Variants in NDUFB5 observed in about 807,000 individuals in gnomAD.
NDUFB5 encodes NADH:ubiquinone oxidoreductase subunit B5, also known as NADH dehydrogenase [ubiquinone] 1 beta subcomplex subunit 5, mitochondrial.
Under a neutral mutation model 19.4 loss-of-function variants are expected in NDUFB5, and 19 were observed. The ratio of observed to expected loss-of-function variants is 0.98; its 90% confidence interval spans 0.68 to 1.43. The LOEUF is 1.43. Among genes scored for constraint, NDUFB5 ranks in the 40% most tolerant of loss-of-function variants. The probability of loss-of-function intolerance (pLI) is 0.00; values close to 1 mark genes in which losing one functional copy is unlikely to be tolerated. For synonymous variants in NDUFB5, 80 were observed against 82.6 expected (o/e 0.97, Z 0.17); for missense variants, 233 against 236.5 (o/e 0.99, Z 0.10).
intron 1 of NDUFB5, among the ~76,000 whole-genome samples, chr3:179,613,872 G>A (rs890773108): frequency 2.0e-5 from 3 of 152,174 alleles, no homozygotes; most frequent in Non-Finnish European, 2.9e-5. Context: ...CAGTAGGAAA[G>A]ATCTCGTGTG....
rs1719696581 is a variant in NDUFB5, at chr3:179,627,335, T to A, written c.*3295T>A. ...CTGTTTTTCTGGTGGCTAGTGAGTGTTAGCTCTCCTCCCTTCCCAGGCATT... is the reference window on the plus strand; with the variant it reads ...CTGTTTTTCTGGTGGCTAGTGAGTGATAGCTCTCCTCCCTTCCCAGGCATT... On this transcript the variant is annotated 3_prime_UTR_variant, in exon 6 of 6. Transcript: ENST00000259037. 1 of 152,242 alleles carries A rather than the reference T, an allele frequency of 6.6e-6. No individual in the cohort carries two copies. Among genetic ancestry groups the A allele is most frequent in the African/African-American group, 2.4e-5 (1 of 41,464 alleles). The allele number at this position is 152,242 out of a possible 1,614,324, so 9.4% of individuals were successfully genotyped here. A position where few individuals can be genotyped will look rare whatever the true frequency, so the allele number is the denominator to read the frequency against.
intron 5 of NDUFB5, among the ~76,000 whole-genome samples, chr3:179,621,215 T>C (rs1346867566): frequency 6.6e-6 from 1 of 152,084 alleles, no homozygotes; most frequent in African/African-American, 2.4e-5. Context: ...GTAGCCAAGA[T>C]TACAGGTGCA....
At chr3:179,605,611 A>C (rs2108389986) in intron 1 of NDUFB5, among the ~76,000 whole-genome samples, 1 of 151,112 alleles carries the variant, frequency 6.6e-6, no homozygotes, top group African/African-American at 2.4e-5. Context: ...GGGTCTACGA[A>C]AGTCTTTTAA....
chr3:179,622,638 T>C (rs1357890987), intron 5 of NDUFB5, among the ~76,000 whole-genome samples: 2 of 152,200 alleles, frequency 1.3e-5, no homozygotes, highest in African/African-American at 2.4e-5. Flanking sequence ...TGTTGATAAA[T>C]ATTTTAATTA....
chr3:179,615,038 C>T lies in NDUFB5; in HGVS notation c.192C>T (p.Asp64=). The change falls in exon 2 of 6, where the codon GAC becomes GAT. Residue 64 remains aspartate, a synonymous_variant. Transcript: ENST00000259037. ...LFVIRPSRFY[D]RRFLKLLRFY... ...TCATCAGACCTTCTAGATTCTATGA[C>T]AGGCGTTTTTTGAAGTTATTGGTAA... 1 of 1,606,584 alleles carries T rather than the reference C, an allele frequency of 6.2e-7. No individual in the cohort carries two copies. The highest frequency in any genetic ancestry group is 1.3e-5 in the African/African-American group (1 of 74,976).
In NDUFB5 at chr3:179,624,050, T is replaced by C. The variant is rs748655682; in HGVS notation, c.*10T>C. ...AACTCCTGACAATTAAGCATTTTTT[T>C]CTCCAAATACAAAGTATATTCTCTT... On this transcript the variant is annotated 3_prime_UTR_variant, in exon 6 of 6. Transcript: ENST00000259037. 2.3e-5 allele frequency: 37 copies of C among 1,609,364 alleles called. 1 individual carries two copies. The highest frequency in any genetic ancestry group is 3.0e-5 in the Non-Finnish European group (35 of 1,176,434).
At chr3:179,605,023 A>G in intron 1 of NDUFB5, 84 bp downstream of exon 1, 1 of 1,432,604 alleles carries the variant, frequency 7.0e-7, no homozygotes, top group Non-Finnish European at 9.1e-7. Flanking sequence ...CCTTGGTGGG[A>G]TCCGGAGGGA....
rs909864213 is a variant in NDUFB5 at position 179,625,046 on chromosome 3, T to A, written c.*1006T>A. 9 of 152,116 alleles carry A rather than the reference T, an allele frequency of 5.9e-5. No homozygotes were observed. Among genetic ancestry groups the A allele is most frequent in the Non-Finnish European group, 2.9e-5 (2 of 68,020 alleles). 9.4% of individuals were successfully genotyped at this position (152,116 alleles called of 1,614,324 possible). On this transcript the variant is annotated 3_prime_UTR_variant, in exon 6 of 6. Transcript: ENST00000259037. ...CTCAGGTGATTGGCCTGTCTCCACT[T>A]CCCAAAGTGCTGATTACAGGCCTGA... is the stretch of plus-strand genomic sequence containing the variant.
intron 5 of NDUFB5, 104 bp from the exon 6 acceptor site, chr3:179,623,816 T>G: frequency 7.1e-7 from 1 of 1,416,754 alleles, no homozygotes; most frequent in Middle Eastern, 1.8e-4. Flanking sequence ...AGCATTATAC[T>G]TTACATAAAA....
At chr3:179,609,189 T>C (rs974775550) in intron 1 of NDUFB5, among the ~76,000 whole-genome samples, 1 of 152,228 alleles carries the variant, frequency 6.6e-6, no homozygotes, top group Non-Finnish European at 1.5e-5. Context: ...CAAATACCTC[T>C]TCTGAGACCC....
chr3:179,611,414 T>C (rs1238370474), intron 1 of NDUFB5, among the ~76,000 whole-genome samples: 1 of 143,726 alleles, frequency 7.0e-6, no homozygotes, highest in African/African-American at 2.6e-5. Context: ...AGTTGTTGTC[T>C]TTTTTTTTTT....
At chr3:179,606,033 C>T (rs1453801645) in intron 1 of NDUFB5, among the ~76,000 whole-genome samples, 1 of 152,198 alleles carries the variant, frequency 6.6e-6, no homozygotes, top group African/African-American at 2.4e-5. Context: ...CTCAAATGAT[C>T]CGCCCACCTC....
intron 1 of NDUFB5, 25 bp downstream of exon 1, chr3:179,604,964 G>A: frequency 6.5e-7 from 1 of 1,532,192 alleles, no homozygotes; most frequent in Non-Finnish European, 8.7e-7. Flanking sequence ...AGGGAGAACG[G>A]GCGTGAAGCG....
At chr3:179,623,762 A>G (rs1719594428) in intron 5 of NDUFB5, among the ~76,000 whole-genome samples, 158 bp from the exon 6 acceptor site, 1 of 152,246 alleles carries the variant, frequency 6.6e-6, no homozygotes, top group African/African-American at 2.4e-5. Flanking sequence ...AATTTTGGTT[A>G]TAGATATATA....
intron 1 of NDUFB5, among the ~76,000 whole-genome samples, chr3:179,611,617 C>G (rs1378520474): frequency 6.6e-6 from 1 of 151,932 alleles, no homozygotes; most frequent in Non-Finnish European, 1.5e-5. Flanking sequence ...CCAGGCTGGT[C>G]TCGAACTCCT....
At chr3:179,605,302 T>G (rs917652863) in intron 1 of NDUFB5, among the ~76,000 whole-genome samples, 3 of 152,208 alleles carry the variant, frequency 2.0e-5, no homozygotes, top group African/African-American at 7.2e-5. Context: ...CAAAGTCATC[T>G]TGCCGAGAAG....
chr3:179,620,969 A>T lies in NDUFB5; in HGVS notation c.449+2448A>T, dbSNP rs372889707. 7.2e-5 allele frequency among the ~76,000 whole-genome samples: 11 copies of T among 152,310 alleles called. No individual in the cohort carries two copies. In the East Asian group the frequency reaches 1.7e-3, roughly 24 times the overall value. ...GTAATGGAATTTATCAAAGTGAAAC[A>T]TTTTTGTTGATAGGGTAATTGAAAA... On this transcript the variant is annotated intron_variant, in intron 5 of 5. Coordinates refer to ENST00000259037, the MANE Select transcript of NDUFB5 (RefSeq NM_002492.4).
intron 4 of NDUFB5, among the ~76,000 whole-genome samples, chr3:179,617,774 T>C (rs1399634643): frequency 6.6e-6 from 1 of 152,176 alleles, no homozygotes; most frequent in Non-Finnish European, 1.5e-5. Flanking sequence ...ATGAAGAAAG[T>C]GAGGCTAAAA....
intron 1 of NDUFB5, among the ~76,000 whole-genome samples, chr3:179,611,176 G>A (rs1719230074): frequency 6.6e-6 from 1 of 152,174 alleles, no homozygotes; most frequent in African/African-American, 2.4e-5. Context: ...TGTGTTATAG[G>A]AAGATGCTTC....
Sources: allele counts gnomAD v4.1 joint callset (sites outside exome capture counted in the v4.1 genomes callset), GRCh38; gene constraint gnomAD v4.1.1; transcripts MANE v1.5; gene names NCBI Gene and HGNC (gene_info 2026-07-23, HGNC 2026-07-21).